The following CACNA1E variants were observed in gnomAD, a reference collection of about 807,000 sequenced individuals.
CACNA1E encodes voltage-dependent R-type calcium channel subunit alpha-1E.
Under a neutral mutation model 259.2 loss-of-function variants are expected in CACNA1E, and 40 were observed. The observed-to-expected ratio is 0.15, with a 90% CI of 0.12 to 0.20. CACNA1E has a LOEUF of 0.20. Among genes scored for constraint, CACNA1E ranks in the 10% least tolerant of loss-of-function variants. The pLI, the probability that CACNA1E is intolerant of heterozygous loss-of-function variation, is 1.00. For synonymous variants in CACNA1E, 1,104 were observed against 1,138.5 expected (o/e 0.97, Z 0.61); for missense variants, 1,874 against 3,040.1 (o/e 0.62, Z 9.02).
chr1:181,651,862 T>C (rs1658788067), intron 7 of CACNA1E: 1 of 155,666 alleles, frequency 6.4e-6, no homozygotes, highest in Non-Finnish European at 1.4e-5. Context: ...TGGCTTGAAT[T>C]AGTTTATACA....
At chr1:181,513,700 T>C (rs1221900211) in intron 3 of CACNA1E, among the ~76,000 whole-genome samples, 1 of 152,142 alleles carries the variant, frequency 6.6e-6, no homozygotes, top group Non-Finnish European at 1.5e-5. Flanking sequence ...GGTTGCTACA[T>C]GGTTGTTGAA....
At chr1:181,489,030 A>T (rs6689731) in intron 1 of CACNA1E, among the ~76,000 whole-genome samples, 2,462 of 152,110 alleles carry the variant, frequency 0.016, 63 homozygotes, top group African/African-American at 0.056. Context: ...CAAACCCTTG[A>T]CTCCATGTGT....
intron 6 of CACNA1E, among the ~76,000 whole-genome samples, chr1:181,637,985 C>T (rs1353281602): frequency 6.6e-6 from 1 of 152,182 alleles, no homozygotes; most frequent in Non-Finnish European, 1.5e-5. Context: ...CTGTGAGAGA[C>T]AGATGAGCTA....
intron 7 of CACNA1E, among the ~76,000 whole-genome samples, chr1:181,684,305 C>T (rs1371235706): frequency 1.3e-5 from 2 of 151,990 alleles, no homozygotes; most frequent in African/African-American, 2.4e-5. Context: ...TTGTTCATGT[C>T]TTTTGTCCAT....
At chr1:181,365,828 A>T (rs1654231542) in intron 1 of CACNA1E, among the ~76,000 whole-genome samples, 1 of 152,252 alleles carries the variant, frequency 6.6e-6, no homozygotes, top group Non-Finnish European at 1.5e-5. Context: ...TTTAAGGCAG[A>T]TGATGGAAGT....
intron 1 of CACNA1E, chr1:181,413,044 T>G (rs1657978208): frequency 6.5e-6 from 1 of 153,016 alleles, no homozygotes; most frequent in South Asian, 2.1e-4. Flanking sequence ...CCTCTTTCTT[T>G]CTCTTCTCTA....
intron 6 of CACNA1E, among the ~76,000 whole-genome samples, chr1:181,627,328 T>C (rs11579714): frequency 0.073 from 11,176 of 152,238 alleles, 560 homozygotes; most frequent in South Asian, 0.14. Context: ...CTAGGTCTTA[T>C]AGGAAGAGTT....
intron 3 of CACNA1E, among the ~76,000 whole-genome samples, chr1:181,565,882 T>TG (rs141573397): frequency 0.4 from 57,502 of 143,932 alleles, 13,475 homozygotes; most frequent in East Asian, 0.71. Flanking sequence ...TTCCTGGTCC[T>TG]GGGGGGTACC....
intron 1 of CACNA1E, among the ~76,000 whole-genome samples, chr1:181,362,329 T>C (rs1041740235): frequency 1.3e-5 from 2 of 152,252 alleles, no homozygotes; most frequent in Non-Finnish European, 2.9e-5. Context: ...TGGACTGGTA[T>C]GTGTGAGTCC....
chr1:181,484,081 A>C, intron 1 of CACNA1E, 71 bp downstream of exon 1: 1 of 1,446,562 alleles, frequency 6.9e-7, no homozygotes, highest in Non-Finnish European at 9.6e-7. Context: ...GGTACCTAGC[A>C]TGGAATGTAT....
At chr1:181,711,328 T>C (rs1275854960) in intron 8 of CACNA1E, among the ~76,000 whole-genome samples, 1 of 152,164 alleles carries the variant, frequency 6.6e-6, no homozygotes, top group Non-Finnish European at 1.5e-5. Flanking sequence ...CATAACCCAA[T>C]CCTGGAGCTG....
At chr1:181,703,319 G>C (rs964341789) in intron 7 of CACNA1E, among the ~76,000 whole-genome samples, 7 of 152,274 alleles carry the variant, frequency 4.6e-5, no homozygotes, top group Admixed American at 6.5e-5. Context: ...ACAACCTTTT[G>C]AGATAGGTAT....
At chr1:181,569,698 G>C (rs77119069) in intron 3 of CACNA1E, among the ~76,000 whole-genome samples, 1 of 152,200 alleles carries the variant, frequency 6.6e-6, no homozygotes, top group African/African-American at 2.4e-5. Flanking sequence ...CCGTGGATGC[G>C]TCTGTGGATG....
intron 7 of CACNA1E, among the ~76,000 whole-genome samples, chr1:181,653,286 G>GACCTGGTGGGAGGT (rs1471722960): frequency 6.6e-6 from 1 of 152,050 alleles, no homozygotes; most frequent in Non-Finnish European, 1.5e-5. Context: ...TTGTGGGAGG[G>GACCTGGTGGGAGGT]ACCTGGTGGG....
At chr1:181,436,947 A>T (rs1273622074) in intron 2 of CACNA1E, among the ~76,000 whole-genome samples, 2 of 152,234 alleles carry the variant, frequency 1.3e-5, no homozygotes, top group Admixed American at 6.5e-5. Flanking sequence ...TTAAATATAT[A>T]TGAAAACATC....
intron 3 of CACNA1E, among the ~76,000 whole-genome samples, chr1:181,536,306 T>C (rs1668166678): frequency 6.6e-6 from 1 of 152,166 alleles, no homozygotes; most frequent in Non-Finnish European, 1.5e-5. Flanking sequence ...AATCTTTTCT[T>C]TATATTTTTC....
chr1:181,510,389 G>A (rs1165468737), intron 1 of CACNA1E, 88 bp from the exon 2 acceptor site: 2 of 829,986 alleles, frequency 2.4e-6, no homozygotes, highest in Non-Finnish European at 4.1e-6. Flanking sequence ...CACAATGCGG[G>A]TTGATAGAGT....
chr1:181,622,496 C>T (rs1235170492), intron 6 of CACNA1E, among the ~76,000 whole-genome samples: 1 of 152,206 alleles, frequency 6.6e-6, no homozygotes, highest in Non-Finnish European at 1.5e-5. Context: ...GAGCCTCTCT[C>T]CTTGGCTTGC....
chr1:181,329,677 A>G (rs1313408019), intron 1 of CACNA1E, among the ~76,000 whole-genome samples: 1 of 152,182 alleles, frequency 6.6e-6, no homozygotes, highest in African/African-American at 2.4e-5. Context: ...CTTCTGTCTC[A>G]CAGACAACTG....
Sources: gnomAD v4.1 joint callset for allele counts (sites outside exome capture counted in the v4.1 genomes callset) on GRCh38, gnomAD v4.1.1 for gene constraint, MANE v1.5 for transcripts, NCBI Gene and HGNC (gene_info 2026-07-23, HGNC 2026-07-21) for gene names.